The following TDRP variants were observed in gnomAD, a reference collection of about 807,000 sequenced individuals.
TDRP encodes the protein testis development-related protein.
In TDRP, 12 loss-of-function variants were observed where a neutral mutation model predicts 10.5. That is an observed-to-expected ratio of 1.15 (90% CI 0.73 to 1.86). The LOEUF (loss-of-function observed/expected upper bound fraction) is 1.86. Among genes scored for constraint, TDRP ranks in the 40% most tolerant of loss-of-function variants. The pLI is 0.00. For synonymous variants in TDRP, 139 were observed against 95.4 expected, an observed-to-expected ratio of 1.46 and a Z score of -2.67; for missense variants, 353 against 229.2, an observed-to-expected ratio of 1.54 and a Z score of -3.49.
chr8:524,655 A>C (rs58497892), intron 1 of TDRP, among the ~76,000 whole-genome samples: 5,261 of 152,240 alleles, frequency 0.035, 140 homozygotes, highest in East Asian at 0.11. Context: ...CAAGCTAAAA[A>C]ATTAAACTGA....
Position 492,667 on chromosome 8 carries a change from T to C in TDRP, c.290A>G (p.Asn97Ser), listed in dbSNP as rs1419686413. ...GFWDNLVLKQ[N>S]IQSKKPDEIE... ...TTCATCTGGTTTTTTAGACTGTATATTCTGTTTTAAAACCAAATTGTCCCA... is the reference window on the plus strand; with the variant it reads ...TTCATCTGGTTTTTTAGACTGTATACTCTGTTTTAAAACCAAATTGTCCCA... Residue 97 changes from asparagine (N) to serine (S), a missense_variant, in exon 3 of 3, where the codon AAT (asparagine) becomes AGT (serine). Asn to Ser is a conservative substitution (Grantham distance 46). Transcript: ENST00000324079. 1.2e-6 allele frequency: 2 copies of C among 1,614,020 alleles called. No homozygotes were observed. Among genetic ancestry groups the C allele is most frequent in the Non-Finnish European group, 8.5e-7 (1 of 1,179,890 alleles).
chr8:543,507 T>C (rs908814477), intron 1 of TDRP, among the ~76,000 whole-genome samples: 3 of 151,884 alleles, frequency 2.0e-5, no homozygotes, highest in African/African-American at 7.3e-5. Context: ...TTCTCATCAT[T>C]ACATTCAAGA....
In TDRP at chr8:519,274, A is replaced by G. The variant is rs114820729; in HGVS notation, c.109-24677T>C. Among the ~76,000 whole-genome samples the G allele has an allele frequency of 3.9e-3, 589 of 152,228 alleles. 5 individuals are homozygous for G. The highest frequency in any genetic ancestry group is 0.014 in the African/African-American group (566 of 41,534). On this transcript the variant is annotated intron_variant, in intron 1 of 2. Coordinates refer to ENST00000324079, the MANE Select transcript of TDRP (RefSeq NM_001384899.1). ...CCCTCCCCATGCCTTCCCCTTTGCT[A>G]TCTCTCTTCTGTTGAGCTGTTCCTC...
rs1800991188 is a variant in TDRP, at chr8:492,025, A to C, written c.*374T>G. 1 of 1,113,902 alleles carries C rather than the reference A, an allele frequency of 9.0e-7. No individual in the cohort carries two copies. The highest frequency in any genetic ancestry group is 1.1e-6 in the Non-Finnish European group (1 of 914,124). The allele number at this position is 1,113,902 out of a possible 1,614,324, so 69.0% of individuals were successfully genotyped here. On this transcript the variant is annotated 3_prime_UTR_variant, in exon 3 of 3. Coordinates refer to ENST00000324079, the MANE Select transcript of TDRP (RefSeq NM_001384899.1). ...AGCTGCATTTATACGTGCTACATAC[A>C]AGAAAAAGGTACGGAAGTTCTGAAA... is the stretch of plus-strand genomic sequence containing the variant.
At chr8:515,592 C>G (rs1229435190) in intron 1 of TDRP, among the ~76,000 whole-genome samples, 1 of 152,168 alleles carries the variant, frequency 6.6e-6, no homozygotes, top group Non-Finnish European at 1.5e-5. Context: ...TAGAGATGCT[C>G]AACCTGTACT....
chr8:497,206 T>C (rs1397958869), intron 1 of TDRP, among the ~76,000 whole-genome samples: 1 of 152,202 alleles, frequency 6.6e-6, no homozygotes, highest in African/African-American at 2.4e-5. Flanking sequence ...GTGGGAATGT[T>C]TGGAACTTCC....
intron 1 of TDRP, among the ~76,000 whole-genome samples, chr8:502,250 G>A (rs1050972785): frequency 6.6e-6 from 1 of 152,226 alleles, no homozygotes; most frequent in African/African-American, 2.4e-5. Flanking sequence ...ACACACTGAA[G>A]CTATTGAGAA....
intron 1 of TDRP, among the ~76,000 whole-genome samples, chr8:508,901 G>T (rs1314764317): frequency 2.0e-5 from 3 of 152,214 alleles, no homozygotes; most frequent in Non-Finnish European, 4.4e-5. Flanking sequence ...ATACAATGGA[G>T]ATACAGACAT....
intron 1 of TDRP, among the ~76,000 whole-genome samples, chr8:496,223 T>G (rs920952897): frequency 2.6e-5 from 4 of 152,374 alleles, no homozygotes; most frequent in Non-Finnish European, 4.4e-5. Flanking sequence ...CATGTCATGC[T>G]GACAGCTTTG....
intron 1 of TDRP, among the ~76,000 whole-genome samples, chr8:496,546 T>C (rs1198321427): frequency 6.6e-6 from 1 of 152,198 alleles, no homozygotes; most frequent in African/African-American, 2.4e-5. Flanking sequence ...AGCTAATGTC[T>C]CACTGCCAAG....
chr8:504,994 A>C (rs1016680228), intron 1 of TDRP, among the ~76,000 whole-genome samples: 1 of 152,248 alleles, frequency 6.6e-6, no homozygotes, highest in Non-Finnish European at 1.5e-5. Flanking sequence ...GTTTTTAACA[A>C]AGTATTTTGA....
intron 1 of TDRP, among the ~76,000 whole-genome samples, chr8:542,674 G>T (rs1162922800): frequency 6.6e-6 from 1 of 151,968 alleles, no homozygotes; most frequent in Non-Finnish European, 1.5e-5. Context: ...AGACCAGCCT[G>T]ACCAACATGG....
In TDRP at chr8:492,566, G is replaced by A; in HGVS notation, c.391C>T (p.Pro131Ser). ...TCATCCTCCCAGCCTGACCAGGATG[G>A]GTGGCCACCCACGGTGTCCTCAGGG... is the stretch of plus-strand genomic sequence containing the variant. ...ADPEDTVGGH[P>S]SWSGWEDDAK... Residue 131 changes from proline to serine, a missense_variant, in exon 3 of 3, where the codon CCA becomes TCA. Coordinates refer to ENST00000324079, the MANE Select transcript of TDRP (RefSeq NM_001384899.1). 6.2e-7 allele frequency: 1 copy of A among 1,613,270 alleles called. No individual in the cohort carries two copies. Among genetic ancestry groups the A allele is most frequent in the Non-Finnish European group, 8.5e-7 (1 of 1,179,484 alleles).
At chr8:528,697 GATT>G (rs1802101322) in intron 1 of TDRP, among the ~76,000 whole-genome samples, 1 of 152,078 alleles carries the variant, frequency 6.6e-6, no homozygotes, top group Admixed American at 6.6e-5. Flanking sequence ...ACTCCGATGT[GATT>G]ATTATGTATT....
At chr8:541,006 A>G (rs1802476513) in intron 1 of TDRP, among the ~76,000 whole-genome samples, 1 of 152,226 alleles carries the variant, frequency 6.6e-6, no homozygotes, top group Non-Finnish European at 1.5e-5. Context: ...TTCTAACATG[A>G]CAGTGAATTT....
At chr8:523,504 C>G (rs1353613098) in intron 1 of TDRP, among the ~76,000 whole-genome samples, 2 of 152,308 alleles carry the variant, frequency 1.3e-5, no homozygotes, top group South Asian at 4.1e-4. Context: ...CCTGGGGTCC[C>G]TGATTCCAGG....
At chr8:538,967 C>T (rs1487735858) in intron 1 of TDRP, among the ~76,000 whole-genome samples, 5 of 152,308 alleles carry the variant, frequency 3.3e-5, no homozygotes, top group Non-Finnish European at 1.5e-5. Flanking sequence ...CACAAATGCA[C>T]GCATCCTCGG....
intron 1 of TDRP, among the ~76,000 whole-genome samples, chr8:540,154 C>T (rs1423973410): frequency 6.6e-6 from 1 of 152,172 alleles, no homozygotes; most frequent in African/African-American, 2.4e-5. Flanking sequence ...TTGCATAAAA[C>T]TTTGAGGGCA....
intron 1 of TDRP, among the ~76,000 whole-genome samples, chr8:511,638 G>T (rs1350689067): frequency 6.6e-6 from 1 of 152,162 alleles, no homozygotes; most frequent in Non-Finnish European, 1.5e-5. Context: ...ACAATAGAAT[G>T]TACATTCTTC....
Sources: allele counts gnomAD v4.1 joint callset (sites outside exome capture counted in the v4.1 genomes callset), GRCh38; gene constraint gnomAD v4.1.1; transcripts MANE v1.5; gene names NCBI Gene and HGNC (gene_info 2026-07-23, HGNC 2026-07-21).